The following TNRC18 variants were observed in gnomAD, a reference collection of about 807,000 sequenced individuals.
The protein encoded by TNRC18 is trinucleotide repeat-containing gene 18 protein.
In TNRC18, 69 loss-of-function variants were observed where a neutral mutation model predicts 226.7. That is an observed-to-expected ratio of 0.30 (90% CI 0.25 to 0.37). The LOEUF is 0.37. Ranked by LOEUF, TNRC18 falls within the 10% of genes least tolerant of loss-of-function variation. The pLI is 1.00. For synonymous variants in TNRC18, 2,449 were observed against 1,927.6 expected, an observed-to-expected ratio of 1.27 and a Z score of -7.09; for missense variants, 4,754 against 4,256.6, an observed-to-expected ratio of 1.12 and a Z score of -3.25.
intron 16 of TNRC18, among the ~76,000 whole-genome samples, chr7:5,356,156 T>C (rs1583889600): frequency 7.2e-6 from 1 of 138,108 alleles, no homozygotes; most frequent in African/African-American, 2.8e-5. Context: ...AGAGTGAGAC[T>C]CCGTCTCAAA....
chr7:5,372,791 G>T (rs1426358461), intron 10 of TNRC18, among the ~76,000 whole-genome samples: 1 of 152,126 alleles, frequency 6.6e-6, no homozygotes, highest in African/African-American at 2.4e-5. Flanking sequence ...GGGAGGCCAG[G>T]GTGGGAGGAC....
In TNRC18 at chr7:5,377,412, CG is replaced by C; in HGVS notation, c.2419del (p.Arg807AlafsTer66). On this transcript the variant is annotated frameshift_variant, in exon 7 of 30. Coordinates refer to ENST00000430969, the MANE Select transcript of TNRC18 (RefSeq NM_001080495.3). LOFTEE classifies it high-confidence loss of function. The surrounding 1 kb of genome is among the most constrained non-coding windows in gnomAD (Gnocchi z 5.8). ...GAGCCACATGGATGCGTTGCCCGAG[CG>C]GGGCAACCAGGGGTGCGTGGCCAGA... is the stretch of plus-strand genomic sequence containing the variant. ...AHLATHPWLP[R>X]SGNASMWLAG... The C allele has an allele frequency of 1.3e-6, 2 of 1,595,850 alleles. No homozygotes were observed. The highest frequency in any genetic ancestry group is 1.7e-6 in the Non-Finnish European group (2 of 1,172,208).
chr7:5,410,894 AAAGAG>A (rs977772334), intron 2 of TNRC18, among the ~76,000 whole-genome samples: 4 of 150,388 alleles, frequency 2.7e-5, no homozygotes, highest in African/African-American at 7.3e-5. Flanking sequence ...AGGGAAGAGA[AAAGAG>A]AAGAGGAGAG....
chr7:5,398,777 C>T lies in TNRC18; in HGVS notation c.188-4182G>A, dbSNP rs188969018. On this transcript the variant is annotated intron_variant, in intron 2 of 29. Transcript: ENST00000430969. ...GGACCACAGGCACACACCATCACACCCCACTAATTTTTTTCTTTCTCTTTT... is the reference window on the plus strand; with the variant it reads ...GGACCACAGGCACACACCATCACACTCCACTAATTTTTTTCTTTCTCTTTT... Among the ~76,000 whole-genome samples, 79 of 151,402 alleles carry T rather than the reference C, an allele frequency of 5.2e-4. 2 individuals carry two copies. The East Asian group carries it at 0.013, about 25-fold the overall frequency.
Position 5,370,869 on chromosome 7 carries a change from G to A in TNRC18, c.3725C>T (p.Ala1242Val), listed in dbSNP as rs775431590. 5.6e-6 allele frequency: 9 copies of A among 1,608,130 alleles called. No homozygotes were observed. The highest frequency in any genetic ancestry group is 2.2e-5 in the South Asian group (2 of 91,082). The change falls in exon 11 of 30, where the codon GCC (alanine) becomes GTC (valine). Residue 1242 changes from alanine to valine, a missense_variant. By Grantham distance (64) the Ala-to-Val change is moderately conservative (BLOSUM62 0). Coordinates refer to ENST00000430969, the MANE Select transcript of TNRC18 (RefSeq NM_001080495.3). ...SPGRTEPCTA[A>V]LDLGVQLTPE... ...TGTCAGCTGCACCCCCAGGTCCAGG[G>A]CGGCGGTGCAGGGTTCTGTCCGGCC...
chr7:5,375,329 C>CAA (rs777305691), intron 9 of TNRC18, among the ~76,000 whole-genome samples: 29 of 152,016 alleles, frequency 1.9e-4, no homozygotes, highest in African/African-American at 3.6e-4. Flanking sequence ...CAAAAACAAA[C>CAA]AAACAAACAA....
Position 5,362,643 on chromosome 7 carries a change from C to T in TNRC18, c.4395+7G>A, listed in dbSNP as rs749569043. On this transcript the variant is annotated splice_region_variant and intron_variant, in intron 12 of 29. Transcript: ENST00000430969. ...GGACCCCAGGGAGGAAGCAGCCAGCCGCTCACCCGCTCCTCCTTCTTGCGC... is the reference window on the plus strand; with the variant it reads ...GGACCCCAGGGAGGAAGCAGCCAGCTGCTCACCCGCTCCTCCTTCTTGCGC... 5.1e-5 allele frequency: 79 copies of T among 1,552,294 alleles called. No homozygotes were observed. The highest frequency in any genetic ancestry group is 1.5e-4 in the South Asian group (12 of 82,594).
At position 5,313,007 on chromosome 7, in the gene TNRC18, G is replaced by GGAT. The variant is rs1457353669; in HGVS notation, c.7883_7884insATC (p.Ser2671dup). On this transcript the variant is annotated inframe_insertion, in exon 27 of 30. Coordinates refer to ENST00000430969, the MANE Select transcript of TNRC18 (RefSeq NM_001080495.3). ...AGGAGGAGGAGGAAGAGGAGGATGA[G>GGAT]GAGGAGGAGGAGGAGGAGGAGGAGG... The GGAT allele has an allele frequency of 4.4e-6, 2 of 451,238 alleles. No individual in the cohort carries two copies. Among genetic ancestry groups the GGAT allele is most frequent in the Non-Finnish European group, 7.3e-6 (2 of 274,272 alleles). The allele number at this position is 451,238 out of a possible 1,614,324, so 28.0% of individuals were successfully genotyped here.
chr7:5,343,946 G>C (rs1367049195), intron 18 of TNRC18, among the ~76,000 whole-genome samples: 4 of 152,178 alleles, frequency 2.6e-5, no homozygotes, highest in Non-Finnish European at 5.9e-5. Flanking sequence ...TGAGAAGGAA[G>C]AAAATAACAA....
chr7:5,420,035 A>T (rs999770519), intron 2 of TNRC18: 30 of 174,538 alleles, frequency 1.7e-4, no homozygotes, highest in Non-Finnish European at 3.4e-4. Context: ...AAAGCCAGGG[A>T]CAGCCCGGGA....
intron 2 of TNRC18, among the ~76,000 whole-genome samples, chr7:5,398,223 T>G (rs1268455706): frequency 6.6e-6 from 1 of 151,700 alleles, no homozygotes; most frequent in Non-Finnish European, 1.5e-5. Flanking sequence ...CAGGGTGGAG[T>G]GCAATGGCGC....
intron 16 of TNRC18, among the ~76,000 whole-genome samples, chr7:5,353,556 TC>T (rs1792052403): frequency 9.8e-6 from 1 of 102,342 alleles, no homozygotes; most frequent in African/African-American, 4.4e-5. Context: ...CAAGACATCA[TC>T]TAAAGAAAAA....
At chr7:5,355,659 G>A (rs921378728) in intron 16 of TNRC18, among the ~76,000 whole-genome samples, 2 of 152,176 alleles carry the variant, frequency 1.3e-5, no homozygotes, top group Admixed American at 6.5e-5. Context: ...GTTCAGAGGG[G>A]AGGATTGCTT....
intron 4 of TNRC18, 35 bp from the exon 5 acceptor site, chr7:5,389,371 G>A: frequency 3.2e-6 from 4 of 1,238,818 alleles, no homozygotes; most frequent in Middle Eastern, 2.9e-4. Context: ...GTGAGCGAGC[G>A]CCACCTCCCC....
intron 11 of TNRC18, among the ~76,000 whole-genome samples, chr7:5,363,338 C>T (rs1343902958): frequency 1.3e-5 from 2 of 152,020 alleles, no homozygotes; most frequent in African/African-American, 2.4e-5. Flanking sequence ...CGTGGTGGCT[C>T]ACGCCTGTAA....
Position 5,324,642 on chromosome 7 carries a change from T to C in TNRC18, c.6301-287A>G, listed in dbSNP as rs1031815501. 1.3e-5 allele frequency among the ~76,000 whole-genome samples: 2 copies of C among 152,244 alleles called. No homozygotes were observed. Among genetic ancestry groups the C allele is most frequent in the Admixed American group, 6.5e-5 (1 of 15,284 alleles). ...ACTACCATACCTCAGTCCATCACTA[T>C]GGCAGGTGCCTCCGTTCCCTTCTTA... On this transcript the variant is annotated intron_variant, in intron 20 of 29. Coordinates refer to ENST00000430969, the MANE Select transcript of TNRC18 (RefSeq NM_001080495.3). This position sits in a 1 kb window ranked among gnomAD's most constrained non-coding sequence, Gnocchi z 4.8.
chr7:5,333,285 C>G (rs1206002766), intron 18 of TNRC18, among the ~76,000 whole-genome samples: 1 of 152,234 alleles, frequency 6.6e-6, no homozygotes, highest in African/African-American at 2.4e-5. Context: ...CAGCCCCTTG[C>G]CCCATGGGAA....
intron 16 of TNRC18, among the ~76,000 whole-genome samples, chr7:5,352,748 C>CGGGGAGACAACCAGCCAGCTTTGGGA: frequency 1.3e-5 from 2 of 152,212 alleles, no homozygotes; most frequent in African/African-American, 4.8e-5. Context: ...TCAAATCTTC[C>CGGGGAGACAACCAGCCAGCTTTGGGA]GGGGAGACAA....
chr7:5,363,524 A>G (rs1793294023), intron 11 of TNRC18, among the ~76,000 whole-genome samples: 1 of 152,062 alleles, frequency 6.6e-6, no homozygotes, highest in African/African-American at 2.4e-5. Context: ...GAATGGCGAG[A>G]ACCTGGGAGG....
Sources: allele counts gnomAD v4.1 joint callset (sites outside exome capture counted in the v4.1 genomes callset), GRCh38; gene constraint gnomAD v4.1.1; non-coding constraint Gnocchi (gnomAD v3.1); transcripts MANE v1.5; gene names NCBI Gene and HGNC (gene_info 2026-07-23, HGNC 2026-07-21).